Variants in TOM1L2 observed in about 807,000 individuals in gnomAD.
The protein encoded by TOM1L2 is TOM1-like protein 2.
A neutral mutation model predicts 67.9 loss-of-function variants in TOM1L2; 31 were observed. That is an observed-to-expected ratio of 0.46 (90% CI 0.34 to 0.62). The LOEUF (loss-of-function observed/expected upper bound fraction) is 0.62, where lower values mean the gene tolerates loss of function less well. Ranked by LOEUF, TOM1L2 falls within the 20% of genes least tolerant of loss-of-function variation. TOM1L2 has a pLI of 0.01. For missense variants in TOM1L2, 606 were observed against 663.5 expected, an observed-to-expected ratio of 0.91 and a Z score of 0.95; for synonymous variants, 256 against 254.0, an observed-to-expected ratio of 1.01 and a Z score of -0.07.
chr17:17,850,823 C>A (rs1212083218), intron 13 of TOM1L2, 70 bp downstream of exon 13: 2 of 1,559,910 alleles, frequency 1.3e-6, no homozygotes, highest in South Asian at 1.1e-5. Flanking sequence ...GATGCTCCCC[C>A]AAGGCCTGTC....
intron 3 of TOM1L2, among the ~76,000 whole-genome samples, chr17:17,896,403 TCA>T (rs1491158354): frequency 6.6e-6 from 1 of 152,154 alleles, no homozygotes; most frequent in Non-Finnish European, 1.5e-5. Context: ...CACTCCACTC[TCA>T]GAGCAACAGT....
intron 1 of TOM1L2, among the ~76,000 whole-genome samples, chr17:17,949,863 TTTAAA>T (rs2041114212): frequency 6.6e-6 from 1 of 152,028 alleles, no homozygotes; most frequent in Non-Finnish European, 1.5e-5. Context: ...ATTTTTATTT[TTTAAA>T]TTTTATTTAT....
chr17:17,880,364 A>G (rs1482915244), intron 6 of TOM1L2, among the ~76,000 whole-genome samples: 1 of 152,122 alleles, frequency 6.6e-6, no homozygotes, highest in African/African-American at 2.4e-5. Flanking sequence ...AAAATACCCA[A>G]GTTGCCCATC....
At chr17:17,946,753 C>T (rs1039861978) in intron 1 of TOM1L2, among the ~76,000 whole-genome samples, 1 of 151,858 alleles carries the variant, frequency 6.6e-6, no homozygotes, top group Non-Finnish European at 1.5e-5. Flanking sequence ...AAGACAGAGT[C>T]TCACTCTATC....
chr17:17,852,298 G>T (rs1197176579), intron 12 of TOM1L2, among the ~76,000 whole-genome samples: 1 of 152,204 alleles, frequency 6.6e-6, no homozygotes, highest in Non-Finnish European at 1.5e-5. Flanking sequence ...CAGTCCTGGG[G>T]GTTGACACCT....
intron 6 of TOM1L2, among the ~76,000 whole-genome samples, chr17:17,881,961 G>GT (rs11308511): frequency 5.9e-5 from 9 of 151,796 alleles, no homozygotes; most frequent in Non-Finnish European, 1.0e-4. Flanking sequence ...ACATTGGAGA[G>GT]TTTTTTTTTC....
At chr17:17,879,851 G>A (rs766461149) in intron 6 of TOM1L2, 108 bp from the exon 7 acceptor site, 1 of 976,108 alleles carries the variant, frequency 1.0e-6, no homozygotes, top group South Asian at 1.4e-5. Context: ...TTCTCACTGG[G>A]AGATCTGGGT....
chr17:17,848,544 A>G (rs2035777917), intron 14 of TOM1L2, among the ~76,000 whole-genome samples: 1 of 152,264 alleles, frequency 6.6e-6, no homozygotes, highest in South Asian at 2.1e-4. Flanking sequence ...CCTGTGGGTC[A>G]GGACCAGGTG....
chr17:17,963,547 T>C (rs2145042888), intron 1 of TOM1L2, among the ~76,000 whole-genome samples: 1 of 152,302 alleles, frequency 6.6e-6, no homozygotes, highest in South Asian at 2.1e-4. Context: ...AAGATGAAGA[T>C]AACAGTGCTT....
chr17:17,879,073 G>A (rs1458280636), intron 7 of TOM1L2, among the ~76,000 whole-genome samples: 1 of 152,192 alleles, frequency 6.6e-6, no homozygotes, highest in Admixed American at 6.5e-5. Flanking sequence ...CAATATGCCT[G>A]GGAATCCTCA....
intron 1 of TOM1L2, among the ~76,000 whole-genome samples, chr17:17,945,933 A>G (rs1483849544): frequency 6.6e-6 from 1 of 152,206 alleles, no homozygotes; most frequent in Non-Finnish European, 1.5e-5. Flanking sequence ...CAGTGGCACA[A>G]TCATGGCTCA....
At chr17:17,965,089 C>T (rs907541048) in intron 1 of TOM1L2, among the ~76,000 whole-genome samples, 21 of 152,064 alleles carry the variant, frequency 1.4e-4, no homozygotes, top group African/African-American at 5.1e-4. Context: ...CCCCTCCTTC[C>T]CCCACCTTCC....
intron 6 of TOM1L2, 33 bp downstream of exon 6, chr17:17,882,672 T>TG: frequency 6.2e-7 from 1 of 1,605,940 alleles, no homozygotes; most frequent in South Asian, 1.1e-5. Flanking sequence ...GATAGTCAGC[T>TG]GGCTTGCCTA....
rs202176189 is a variant in TOM1L2 at position 17,907,581 on chromosome 17, G to A, written c.53-50C>T. 5.1e-6 allele frequency: 8 copies of A among 1,559,656 alleles called. No individual in the cohort carries two copies. In the African/African-American group the frequency reaches 9.5e-5, roughly 18 times the overall value. On this transcript the variant is annotated intron_variant, in intron 1 of 14. Coordinates refer to ENST00000379504, the MANE Select transcript of TOM1L2 (RefSeq NM_001082968.2). Reference sequence around the variant, plus strand: ...TTTACATTTCTCCTGGAATAAGTGGGCCTTGGCAGGAAATGGGAAGAGACC... The same window carrying A: ...TTTACATTTCTCCTGGAATAAGTGGACCTTGGCAGGAAATGGGAAGAGACC...
intron 7 of TOM1L2, among the ~76,000 whole-genome samples, chr17:17,874,624 A>G (rs901890234): frequency 6.6e-6 from 1 of 152,202 alleles, no homozygotes; most frequent in African/African-American, 2.4e-5. Flanking sequence ...TGAGGCTCTA[A>G]CATTGTGACC....
chr17:17,903,302 T>A (rs1163872936), intron 2 of TOM1L2, among the ~76,000 whole-genome samples: 3 of 152,188 alleles, frequency 2.0e-5, no homozygotes, highest in African/African-American at 7.2e-5. Flanking sequence ...GCTAATCAAA[T>A]GCATTGTGCT....
At chr17:17,862,914 C>T (rs989160546) in intron 10 of TOM1L2, 66 bp from the exon 11 acceptor site, 4 of 1,338,818 alleles carry the variant, frequency 3.0e-6, no homozygotes, top group Non-Finnish European at 4.2e-6. Flanking sequence ...TGATGAAGGG[C>T]CCCCAAGCTA....
intron 2 of TOM1L2, among the ~76,000 whole-genome samples, chr17:17,899,302 T>C (rs951739248): frequency 6.6e-6 from 1 of 152,226 alleles, no homozygotes; most frequent in Non-Finnish European, 1.5e-5. Flanking sequence ...CTGAATTCCA[T>C]GGAACTCCTT....
intron 1 of TOM1L2, among the ~76,000 whole-genome samples, chr17:17,968,699 C>G (rs2041956450): frequency 6.6e-6 from 1 of 151,792 alleles, no homozygotes; most frequent in African/African-American, 2.4e-5. Flanking sequence ...GTCTTTGATG[C>G]CACCCATCCA....
Sources: allele counts gnomAD v4.1 joint callset (sites outside exome capture counted in the v4.1 genomes callset), GRCh38; gene constraint gnomAD v4.1.1; transcripts MANE v1.5; gene names NCBI Gene and HGNC (gene_info 2026-07-23, HGNC 2026-07-21).